The following SLC25A26 variants were observed in gnomAD, a reference collection of about 807,000 sequenced individuals.
The protein encoded by SLC25A26 is solute carrier family 25 member 26.
In SLC25A26, 36 loss-of-function variants were observed where a neutral mutation model predicts 37.8. The observed-to-expected ratio is 0.95, with a 90% CI of 0.73 to 1.26. The LOEUF (loss-of-function observed/expected upper bound fraction) is 1.26, where lower values mean the gene tolerates loss of function less well. Among genes scored for constraint, SLC25A26 ranks in the 50% most tolerant of loss-of-function variants. The probability of loss-of-function intolerance (pLI) is 0.00; values close to 1 mark genes in which losing one functional copy is unlikely to be tolerated. For synonymous variants in SLC25A26, 129 were observed against 122.5 expected, an observed-to-expected ratio of 1.05 and a Z score of -0.35; for missense variants, 390 against 331.1, an observed-to-expected ratio of 1.18 and a Z score of -1.38.
intron 5 of SLC25A26, among the ~76,000 whole-genome samples, chr3:66,336,298 C>T (rs77455989): frequency 0.011 from 1,604 of 152,136 alleles, 11 homozygotes; most frequent in Non-Finnish European, 0.016. Context: ...TGTTTCTTGA[C>T]GCATTGGTCA....
At chr3:66,233,955 C>A (rs2072153325) in intron 1 of SLC25A26, among the ~76,000 whole-genome samples, 1 of 152,032 alleles carries the variant, frequency 6.6e-6, no homozygotes, top group African/African-American at 2.4e-5. Context: ...GAATTCTCTC[C>A]TAAGATTAAA....
intron 3 of SLC25A26, among the ~76,000 whole-genome samples, chr3:66,251,198 G>A (rs988972612): frequency 6.6e-6 from 1 of 152,120 alleles, no homozygotes; most frequent in African/African-American, 2.4e-5. Context: ...CTATAGTAAG[G>A]AGTTGGGACT....
At chr3:66,350,363 G>T (rs1352457149) in intron 6 of SLC25A26, among the ~76,000 whole-genome samples, 1 of 152,080 alleles carries the variant, frequency 6.6e-6, no homozygotes. Context: ...CTGGCCACCT[G>T]GTCTCAAGTC....
At chr3:66,292,570 T>A (rs550931856) in intron 5 of SLC25A26, among the ~76,000 whole-genome samples, 1 of 152,166 alleles carries the variant, frequency 6.6e-6, no homozygotes, top group African/African-American at 2.4e-5. Context: ...TTAGTTCGGC[T>A]GGATTTGAAA....
chr3:66,293,067 C>G (rs1488857258), intron 5 of SLC25A26: 5 of 151,598 alleles, frequency 3.3e-5, no homozygotes, highest in African/African-American at 1.2e-4. Context: ...CTTTCTTCTG[C>G]TTGATCTATT....
chr3:66,209,233 G>T (rs2071237516), intron 1 of SLC25A26, among the ~76,000 whole-genome samples: 1 of 131,070 alleles, frequency 7.6e-6, no homozygotes, highest in Admixed American at 8.1e-5. Context: ...AATATATAAC[G>T]ATATACCCAT....
chr3:66,260,163 T>A (rs1323005240), intron 3 of SLC25A26, among the ~76,000 whole-genome samples: 1 of 152,170 alleles, frequency 6.6e-6, no homozygotes, highest in Non-Finnish European at 1.5e-5. Context: ...ATACCCCTCC[T>A]CCACATTTCC....
At chr3:66,334,472 G>C (rs566052342) in intron 5 of SLC25A26, among the ~76,000 whole-genome samples, 7 of 152,174 alleles carry the variant, frequency 4.6e-5, no homozygotes, top group African/African-American at 1.7e-4. Context: ...GTGCCACCAT[G>C]CCTGGCTAAT....
chr3:66,266,597 T>TA (rs1553678431), intron 5 of SLC25A26, among the ~76,000 whole-genome samples: 1 of 148,686 alleles, frequency 6.7e-6, no homozygotes, highest in African/African-American at 2.5e-5. Flanking sequence ...TTTTTTTTTT[T>TA]ACTGCATTTG....
chr3:66,370,817 C>A lies in SLC25A26; in HGVS notation c.707+215C>A, dbSNP rs562555167. On this transcript the variant is annotated intron_variant, in intron 9 of 9. Transcript: ENST00000354883. ...CAGCCAGGCAGTTCTCAGCCTTGCCCATCTTGATGTTAGATGAAATTCACA... is the reference window on the plus strand; with the variant it reads ...CAGCCAGGCAGTTCTCAGCCTTGCCAATCTTGATGTTAGATGAAATTCACA... Among the ~76,000 whole-genome samples the A allele has an allele frequency of 3.3e-5, 5 of 152,282 alleles. No individual in the cohort carries two copies. The South Asian group carries it at 8.3e-4, about 25-fold the overall frequency.
intron 9 of SLC25A26, among the ~76,000 whole-genome samples, chr3:66,372,305 T>G (rs567621826): frequency 6.6e-6 from 1 of 152,320 alleles, no homozygotes; most frequent in East Asian, 1.9e-4. Context: ...TGTGCAGAGC[T>G]GCAGCCCCTC....
At chr3:66,297,417 C>G (rs1292742738) in intron 5 of SLC25A26, among the ~76,000 whole-genome samples, 1 of 150,050 alleles carries the variant, frequency 6.7e-6, no homozygotes, top group Non-Finnish European at 1.5e-5. Context: ...TCTTTTTGAT[C>G]ATTAAGCTAC....
In SLC25A26 at chr3:66,263,387, A is replaced by T. The variant is rs1205962305; in HGVS notation, c.453+8A>T. The T allele has an allele frequency of 1.9e-6, 3 of 1,588,292 alleles. No homozygotes were observed. The highest frequency in any genetic ancestry group is 3.4e-5 in the Admixed American group (2 of 59,582). ...AGCACAGTTTTAAGAGAGGTAAGTCACTTACTTTCCAATATTGAAGTACGA... is the reference window on the plus strand; with the variant it reads ...AGCACAGTTTTAAGAGAGGTAAGTCTCTTACTTTCCAATATTGAAGTACGA... On this transcript the variant is annotated splice_region_variant and intron_variant, in intron 5 of 9. Transcript: ENST00000354883.
At chr3:66,254,357 G>A (rs1214370669) in intron 3 of SLC25A26, among the ~76,000 whole-genome samples, 1 of 152,176 alleles carries the variant, frequency 6.6e-6, no homozygotes, top group East Asian at 1.9e-4. Context: ...AAGAGAATGT[G>A]GAAATGAAAT....
chr3:66,344,998 A>T (rs944090204), intron 5 of SLC25A26, among the ~76,000 whole-genome samples: 3 of 152,236 alleles, frequency 2.0e-5, no homozygotes, highest in Non-Finnish European at 4.4e-5. Context: ...CTGTCTCAGC[A>T]TGTGTTGTGA....
At chr3:66,268,298 C>G (rs554174629) in intron 5 of SLC25A26, among the ~76,000 whole-genome samples, 1 of 152,124 alleles carries the variant, frequency 6.6e-6, no homozygotes, top group Non-Finnish European at 1.5e-5. Context: ...TGAAAAGTAT[C>G]GGCATTTGTA....
chr3:66,312,343 C>A (rs1576853374), intron 5 of SLC25A26, among the ~76,000 whole-genome samples: 1 of 152,248 alleles, frequency 6.6e-6, no homozygotes, highest in East Asian at 1.9e-4. Flanking sequence ...TAACCAAACC[C>A]AATCACCCCA....
chr3:66,174,982 T>G (rs1056776044), intron 1 of SLC25A26, among the ~76,000 whole-genome samples: 1 of 151,410 alleles, frequency 6.6e-6, no homozygotes, highest in Non-Finnish European at 1.5e-5. Flanking sequence ...GAAGCCCAAC[T>G]GGTACACTGG....
intron 5 of SLC25A26, among the ~76,000 whole-genome samples, chr3:66,316,252 A>G (rs934110090): frequency 6.6e-6 from 1 of 152,130 alleles, no homozygotes; most frequent in African/African-American, 2.4e-5. Flanking sequence ...GTGGTTGGTA[A>G]TGGTTTTTCC....
Sources: gnomAD v4.1 joint callset for allele counts (sites outside exome capture counted in the v4.1 genomes callset) on GRCh38, gnomAD v4.1.1 for gene constraint, MANE v1.5 for transcripts, NCBI Gene and HGNC (gene_info 2026-07-23, HGNC 2026-07-21) for gene names.